Variants in LRP1B observed in about 807,000 individuals in gnomAD.
The protein encoded by LRP1B is low-density lipoprotein receptor-related protein 1B.
Under a neutral mutation model 556.6 loss-of-function variants are expected in LRP1B, and 217 were observed. The observed-to-expected ratio is 0.39, with a 90% CI of 0.35 to 0.44. LRP1B has a LOEUF of 0.44. LRP1B is among the 20% of genes least tolerant of loss of function. LRP1B has a pLI of 1.00. For synonymous variants in LRP1B, 2,047 were observed against 1,865.8 expected, an observed-to-expected ratio of 1.10 and a Z score of -2.50; for missense variants, 5,053 against 5,620.8, an observed-to-expected ratio of 0.90 and a Z score of 3.23.
At chr2:141,479,398 A>T (rs1682833643) in intron 3 of LRP1B, among the ~76,000 whole-genome samples, 1 of 152,074 alleles carries the variant, frequency 6.6e-6, no homozygotes, top group African/African-American at 2.4e-5. Context: ...GAACAACTGG[A>T]ATTTCTGGTG....
intron 62 of LRP1B, among the ~76,000 whole-genome samples, chr2:140,451,378 G>A (rs1379131714): frequency 6.6e-6 from 1 of 152,290 alleles, no homozygotes; most frequent in East Asian, 1.9e-4. Flanking sequence ...AGGGCTAAAA[G>A]CTATCAGGAA....
chr2:141,360,847 T>A (rs1688799978), intron 3 of LRP1B, among the ~76,000 whole-genome samples: 2 of 152,170 alleles, frequency 1.3e-5, no homozygotes, highest in South Asian at 4.1e-4. Flanking sequence ...TAAACCCAAA[T>A]ACACAAGCAT....
intron 20 of LRP1B, among the ~76,000 whole-genome samples, chr2:140,949,776 T>C (rs944838872): frequency 6.6e-6 from 1 of 150,544 alleles, no homozygotes; most frequent in African/African-American, 2.4e-5. Flanking sequence ...CCGTCCCTAC[T>C]AAAAATACAA....
At chr2:142,036,224 C>G (rs572606236) in intron 1 of LRP1B, among the ~76,000 whole-genome samples, 1 of 151,786 alleles carries the variant, frequency 6.6e-6, no homozygotes, top group African/African-American at 2.4e-5. Context: ...TCCTCAGGAA[C>G]TACTTCAGGA....
intron 46 of LRP1B, among the ~76,000 whole-genome samples, chr2:140,535,948 A>G (rs2105000263): frequency 6.6e-6 from 1 of 152,234 alleles, no homozygotes; most frequent in East Asian, 1.9e-4. Flanking sequence ...CTAATCCTGG[A>G]GACAGAAATA....
At chr2:141,490,897 TC>T (rs1683305058) in intron 2 of LRP1B, among the ~76,000 whole-genome samples, 1 of 150,386 alleles carries the variant, frequency 6.6e-6, no homozygotes, top group Non-Finnish European at 1.5e-5. Flanking sequence ...TTCTCCTTCG[TC>T]CCCCTCCCTC....
intron 47 of LRP1B, among the ~76,000 whole-genome samples, chr2:140,533,623 G>A (rs756227555): frequency 3.3e-5 from 5 of 152,106 alleles, no homozygotes; most frequent in Non-Finnish European, 5.9e-5. Context: ...ATGTGGGAAG[G>A]AGAAATTAAG....
intron 41 of LRP1B, among the ~76,000 whole-genome samples, chr2:140,682,741 A>G (rs918615276): frequency 5.9e-5 from 9 of 151,528 alleles, no homozygotes; most frequent in Non-Finnish European, 1.3e-4. Context: ...CTGAACCTGA[A>G]GTATATAGCA....
intron 33 of LRP1B, among the ~76,000 whole-genome samples, chr2:140,771,865 A>G (rs1017827180): frequency 6.6e-6 from 1 of 152,256 alleles, no homozygotes; most frequent in African/African-American, 2.4e-5. Context: ...TGAGAATTAC[A>G]AAGCATGATG....
chr2:142,025,504 T>C (rs1703474342), intron 1 of LRP1B, among the ~76,000 whole-genome samples: 1 of 152,150 alleles, frequency 6.6e-6, no homozygotes, highest in South Asian at 2.1e-4. Flanking sequence ...CCTGAGCTTT[T>C]GACAATAGAA....
chr2:140,672,106 T>TTA (rs1316211577), intron 41 of LRP1B, among the ~76,000 whole-genome samples: 2 of 152,204 alleles, frequency 1.3e-5, no homozygotes, highest in Admixed American at 1.3e-4. Context: ...AGAAAATAAG[T>TTA]TATCTGTTCC....
At chr2:140,508,595 G>A (rs1384372655) in intron 52 of LRP1B, among the ~76,000 whole-genome samples, 2 of 152,138 alleles carry the variant, frequency 1.3e-5, no homozygotes, top group Non-Finnish European at 2.9e-5. Context: ...GTTGTAATCA[G>A]AGTAAAACTC....
chr2:140,654,631 C>T (rs1684811623), intron 41 of LRP1B, among the ~76,000 whole-genome samples: 1 of 152,080 alleles, frequency 6.6e-6, no homozygotes, highest in African/African-American at 2.4e-5. Flanking sequence ...GGTTTTATTA[C>T]TAATTCAGAA....
intron 41 of LRP1B, among the ~76,000 whole-genome samples, chr2:140,610,806 C>T (rs936253775): frequency 6.6e-5 from 10 of 152,152 alleles, no homozygotes; most frequent in African/African-American, 2.4e-4. Context: ...AGGATGGTCT[C>T]GCTCTCCGCC....
At chr2:140,631,523 T>A (rs1683883730) in intron 41 of LRP1B, among the ~76,000 whole-genome samples, 1 of 152,188 alleles carries the variant, frequency 6.6e-6, no homozygotes, top group Non-Finnish European at 1.5e-5. Context: ...GAAACTGCTT[T>A]AGATGGGTTC....
intron 37 of LRP1B, among the ~76,000 whole-genome samples, chr2:140,711,740 A>T (rs1006853678): frequency 2.0e-5 from 3 of 152,108 alleles, no homozygotes; most frequent in African/African-American, 7.2e-5. Flanking sequence ...TTCACTTTTA[A>T]GCTGATAACC....
intron 1 of LRP1B, among the ~76,000 whole-genome samples, chr2:141,950,262 T>C (rs906777571): frequency 5.9e-5 from 9 of 152,168 alleles, no homozygotes; most frequent in African/African-American, 1.9e-4. Flanking sequence ...TAATTCTGTA[T>C]GGTATTTCAA....
rs779479669 is a variant in LRP1B at position 140,324,012 on chromosome 2, C to G, written c.12395G>C (p.Gly4132Ala). The G allele has an allele frequency of 6.2e-7, 1 of 1,610,240 alleles. No homozygotes were observed. Among genetic ancestry groups the G allele is most frequent in the Non-Finnish European group, 8.5e-7 (1 of 1,177,160 alleles). ...DIFEDYIYGA[G>A]PKNGVFRVQK... ...AACTCGAAATACACCATTTTTAGGT[C>G]CTGCTCCATATATATAATCTTCAAA... Residue 4132 changes from glycine (G) to alanine (A), a missense_variant, in exon 81 of 91, where the codon GGA becomes GCA. By Grantham distance (60) the Gly-to-Ala change is moderately conservative. Around this residue, in one of 5 missense-constraint regions of LRP1B, gnomAD observed 551 missense variants for 592.0 expected, o/e 0.93. Coordinates refer to ENST00000389484, the MANE Select transcript of LRP1B (RefSeq NM_018557.3).
rs770860780 is a variant in LRP1B, at chr2:140,350,856, C to T, written c.11833G>A (p.Gly3945Arg). The T allele has an allele frequency of 3.4e-5, 55 of 1,609,846 alleles. No individual in the cohort carries two copies. Among genetic ancestry groups the T allele is most frequent in the East Asian group, 1.8e-4 (8 of 44,430 alleles). ...CCATGGATCCTTTTGTAGAAAATTCCGCCTGGATTAAACTGAGTACTCCAA... is the reference window on the plus strand; with the variant it reads ...CCATGGATCCTTTTGTAGAAAATTCTGCCTGGATTAAACTGAGTACTCCAA... ...IIWSTQFNPG[G>R]IFYKRIHGRE... The change falls in exon 77 of 91, where the codon GGA (glycine) becomes AGA (arginine). Residue 3945 changes from glycine (G) to arginine (R), a missense_variant. Transcript: ENST00000389484.
Sources: allele counts gnomAD v4.1 joint callset (sites outside exome capture counted in the v4.1 genomes callset), GRCh38; gene constraint gnomAD v4.1.1; regional missense constraint gnomAD v4.1.1; transcripts MANE v1.5; gene names NCBI Gene and HGNC (gene_info 2026-07-23, HGNC 2026-07-21).